AKAP7: variants seen among roughly 807,000 people sequenced by gnomAD.
AKAP7 encodes the protein A-kinase anchoring protein 7.
Under a neutral mutation model 39.5 loss-of-function variants are expected in AKAP7, and 39 were observed. The observed-to-expected ratio is 0.99, with a 90% CI of 0.76 to 1.29. The LOEUF is 1.29. Among genes scored for constraint, AKAP7 ranks in the 50% most tolerant of loss-of-function variants. The pLI, the probability that AKAP7 is intolerant of heterozygous loss-of-function variation, is 0.00. For synonymous variants in AKAP7, 140 were observed against 139.1 expected (o/e 1.01, Z -0.05); for missense variants, 414 against 407.7 (o/e 1.02, Z -0.13).
chr6:131,209,399 C>T (rs1010994734), intron 6 of AKAP7, among the ~76,000 whole-genome samples: 10 of 152,006 alleles, frequency 6.6e-5, no homozygotes, highest in Non-Finnish European at 1.0e-4. Flanking sequence ...TACAGGTGCC[C>T]GCCACCATGC....
intron 5 of AKAP7, among the ~76,000 whole-genome samples, chr6:131,194,743 A>G (rs571061844): frequency 4.6e-5 from 7 of 152,074 alleles, no homozygotes; most frequent in East Asian, 1.9e-4. Context: ...TATGTTTACA[A>G]TTGTTATTTC....
chr6:131,247,269 GTATATATATATATATATATATATATA>G (rs60033504), intron 7 of AKAP7, among the ~76,000 whole-genome samples: 933 of 91,932 alleles, frequency 0.01, 21 homozygotes, highest in African/African-American at 0.034. Flanking sequence ...CATTTCATAT[GTATATATATATATATATATATATATA>G]TATATATATA....
chr6:131,180,839 T>G (rs1313613516), intron 5 of AKAP7, among the ~76,000 whole-genome samples: 6 of 147,410 alleles, frequency 4.1e-5, no homozygotes, highest in Non-Finnish European at 9.0e-5. Flanking sequence ...GTTTTGTTTT[T>G]TTTTTTTTTA....
intron 3 of AKAP7, 63 bp downstream of exon 3, chr6:131,160,261 A>G: frequency 6.6e-7 from 1 of 1,518,550 alleles, no homozygotes; most frequent in African/African-American, 1.4e-5. Flanking sequence ...GTACAACTAA[A>G]TGCTTATTAG....
At chr6:131,149,315 A>G (rs1314345743) in intron 2 of AKAP7, among the ~76,000 whole-genome samples, 2 of 152,262 alleles carry the variant, frequency 1.3e-5, no homozygotes, top group South Asian at 4.1e-4. Flanking sequence ...AAATATCCAA[A>G]TGCATGTACA....
intron 1 of AKAP7, among the ~76,000 whole-genome samples, chr6:131,136,032 TC>T (rs1490710349): frequency 6.6e-6 from 1 of 152,180 alleles, no homozygotes; most frequent in African/African-American, 2.4e-5. Flanking sequence ...TATGAGCCCA[TC>T]CCCGAGTTTC....
chr6:131,188,717 CTTT>C (rs201808987), intron 5 of AKAP7, among the ~76,000 whole-genome samples: 3 of 138,230 alleles, frequency 2.2e-5, no homozygotes, highest in African/African-American at 2.6e-5. Context: ...TTTTGTACTT[CTTT>C]TTTTTTTTTT....
At chr6:131,184,376 C>T (rs1449804536) in intron 5 of AKAP7, 1 of 660,884 alleles carries the variant, frequency 1.5e-6, no homozygotes, top group Non-Finnish European at 2.9e-6. Context: ...TCAACAGGTC[C>T]AGACACAGGT....
chr6:131,145,341 GAATTTGAAGCC>G lies in AKAP7; in HGVS notation c.80_90del (p.Phe27TyrfsTer18). 6.4e-7 allele frequency: 1 copy of G among 1,567,836 alleles called. No individual in the cohort carries two copies. Among genetic ancestry groups the G allele is most frequent in the Non-Finnish European group, 8.7e-7 (1 of 1,153,162 alleles). On this transcript the variant is annotated frameshift_variant, in exon 2 of 8. Coordinates refer to ENST00000431975, the MANE Select transcript of AKAP7 (RefSeq NM_016377.4). LOFTEE classifies it high-confidence loss of function. ...ATCAAGAAAAAAGAAAATGTCAGAG[GAATTTGAAGCC>G]AATACTATGGATTCTCTGGTAGACA...
chr6:131,238,124 TC>T (rs1412008117), intron 7 of AKAP7, among the ~76,000 whole-genome samples: 2 of 152,210 alleles, frequency 1.3e-5, no homozygotes, highest in Non-Finnish European at 2.9e-5. Flanking sequence ...CTCGTTGGTT[TC>T]AAAGAACATC....
In AKAP7 at chr6:131,281,285, C is replaced by T. The variant is rs1815171718; in HGVS notation, c.851-245C>T. Among the ~76,000 whole-genome samples, 1 of 152,156 alleles carries T rather than the reference C, an allele frequency of 6.6e-6. No individual in the cohort carries two copies. Among genetic ancestry groups the T allele is most frequent in the African/African-American group, 2.4e-5 (1 of 41,428 alleles). The stretch of plus-strand genomic sequence containing the variant: ...AAATTCACATATAAATGGGAAACAT[C>T]CGGCATTGGTAGGTAGAGCTTGTCT... On this transcript the variant is annotated intron_variant, in intron 7 of 7. Coordinates refer to ENST00000431975, the MANE Select transcript of AKAP7 (RefSeq NM_016377.4). The surrounding 1 kb of genome is among the most constrained non-coding windows in gnomAD (Gnocchi z 4.0).
chr6:131,281,657 G>A lies in AKAP7; in HGVS notation c.978G>A (p.Gly326=), dbSNP rs1171660680. The change falls in exon 8 of 8, where the codon GGG becomes GGA. Residue 326 remains glycine (G), a synonymous_variant. Transcript: ENST00000431975. This position sits in a 1 kb window ranked among gnomAD's most constrained non-coding sequence, Gnocchi z 4.0. ...AAACACAGAATAAAAACAAGCCGGG[G>A]GAGGGGAGCTCTGTGAAAACCGAAG... ...LEETQNKNKP[G]EGSSVKTEAA... is the part of the protein sequence containing the mutation. 1 of 1,613,596 alleles carries A rather than the reference G, an allele frequency of 6.2e-7. No individual in the cohort carries two copies.
At chr6:131,156,875 C>G (rs531167111) in intron 2 of AKAP7, among the ~76,000 whole-genome samples, 1 of 151,772 alleles carries the variant, frequency 6.6e-6, no homozygotes, top group African/African-American at 2.4e-5. Flanking sequence ...CCCGGGTTCA[C>G]GCCATTCTCC....
chr6:131,169,168 A>G lies in AKAP7; in HGVS notation c.484A>G (p.Lys162Glu). The part of the protein sequence containing the change: ...KPFIEELLQG[K>E]HLTLPFQGIG... ...ATTCATAGAAGAACTCCTCCAGGGAAAACATTTGACTTTGCCCTTTCAAGG... is the reference window on the plus strand; with the variant it reads ...ATTCATAGAAGAACTCCTCCAGGGAGAACATTTGACTTTGCCCTTTCAAGG... The change falls in exon 5 of 8, where the codon AAA becomes GAA. Residue 162 changes from lysine (K) to glutamate (E), a missense_variant. Transcript: ENST00000431975. The G allele has an allele frequency of 6.2e-7, 1 of 1,613,960 alleles. No individual in the cohort carries two copies. Among genetic ancestry groups the G allele is most frequent in the Non-Finnish European group, 8.5e-7 (1 of 1,179,852 alleles).
intron 7 of AKAP7, among the ~76,000 whole-genome samples, chr6:131,232,270 G>T (rs1480849767): frequency 6.6e-6 from 1 of 152,172 alleles, no homozygotes; most frequent in Non-Finnish European, 1.5e-5. Context: ...GGAGCCTTCA[G>T]TTGGAAGTTT....
At position 131,165,104 on chromosome 6, in the gene AKAP7, G is replaced by A. The variant is rs1409283126; in HGVS notation, c.315G>A (p.Leu105=). The change falls in exon 4 of 8, where the codon CTG becomes CTA. Residue 105 remains leucine, a synonymous_variant. Transcript: ENST00000431975. ...NKEIIKGIKI[L]QNAIIQQDER... The stretch of plus-strand genomic sequence containing the variant: ...AGATTATAAAAGGAATTAAGATCCT[G>A]CAGAATGCAATAATACAACAAGATG... 1.9e-6 allele frequency: 3 copies of A among 1,609,906 alleles called. No individual in the cohort carries two copies. The highest frequency in any genetic ancestry group is 2.5e-6 in the Non-Finnish European group (3 of 1,178,264).
upstream of AKAP7, among the ~76,000 whole-genome samples, chr6:131,135,256 C>G (rs192604286): frequency 6.6e-6 from 1 of 152,346 alleles, no homozygotes; most frequent in East Asian, 1.9e-4. Flanking sequence ...GGCAAGGCTG[C>G]GCCACGGGAA....
chr6:131,219,245 G>A (rs1264325802), intron 6 of AKAP7, among the ~76,000 whole-genome samples: 8 of 149,178 alleles, frequency 5.4e-5, no homozygotes, highest in African/African-American at 1.5e-4. Flanking sequence ...AGCCGAGATC[G>A]CGCCACTGCA....
At chr6:131,185,533 A>G (rs189399173) in intron 5 of AKAP7, 64 of 207,364 alleles carry the variant, frequency 3.1e-4, no homozygotes, top group African/African-American at 1.4e-3. Flanking sequence ...AATGGGTATG[A>G]GGTGGTATTT....
Sources: allele counts gnomAD v4.1 joint callset (sites outside exome capture counted in the v4.1 genomes callset), GRCh38; gene constraint gnomAD v4.1.1; non-coding constraint Gnocchi (gnomAD v3.1); transcripts MANE v1.5; gene names NCBI Gene and HGNC (gene_info 2026-07-23, HGNC 2026-07-21).